Variants in MAD1L1 observed in about 807,000 individuals in gnomAD.
MAD1L1 encodes the protein mitotic arrest deficient 1 like 1.
In MAD1L1, 95 loss-of-function variants were observed where a neutral mutation model predicts 96.9. That is an observed-to-expected ratio of 0.98 (90% CI 0.83 to 1.16). The LOEUF (loss-of-function observed/expected upper bound fraction) is 1.16. MAD1L1 is among the 50% of genes most tolerant of loss of function. The probability of loss-of-function intolerance (pLI) is 0.00; values close to 1 mark genes in which losing one functional copy is unlikely to be tolerated. For synonymous variants in MAD1L1, 473 were observed against 396.6 expected (o/e 1.19, Z -2.29); for missense variants, 1,007 against 954.4 (o/e 1.06, Z -0.73).
At chr7:1,961,717 G>C (rs922742797) in intron 15 of MAD1L1, among the ~76,000 whole-genome samples, 1 of 152,242 alleles carries the variant, frequency 6.6e-6, no homozygotes, top group Non-Finnish European at 1.5e-5. Context: ...TTGAATTGTA[G>C]CTCCCATAAT....
In MAD1L1 at chr7:1,857,761, G is replaced by A. The variant is rs139617993; in HGVS notation, c.1998+40439C>T. ...GACGTCCTGGTCCTGCTACATCTGAGGCCTGCCCGGCTAGGCCAGCACGAC... is the reference window on the plus strand; with the variant it reads ...GACGTCCTGGTCCTGCTACATCTGAAGCCTGCCCGGCTAGGCCAGCACGAC... On this transcript the variant is annotated intron_variant, in intron 18 of 18. Transcript: ENST00000265854. 2.7e-3 allele frequency among the ~76,000 whole-genome samples: 412 copies of A among 152,318 alleles called. 2 individuals are homozygous for A. The highest frequency in any genetic ancestry group is 8.9e-3 in the African/African-American group (371 of 41,574).
intron 13 of MAD1L1, 89 bp from the exon 14 acceptor site, chr7:2,002,210 C>A: frequency 7.8e-7 from 1 of 1,287,426 alleles, no homozygotes; most frequent in Non-Finnish European, 1.1e-6. Flanking sequence ...CACCACCCCG[C>A]AGCCTCCACT....
intron 11 of MAD1L1, among the ~76,000 whole-genome samples, chr7:2,078,896 C>T (rs1310403481): frequency 1.3e-5 from 2 of 152,260 alleles, no homozygotes; most frequent in African/African-American, 4.8e-5. Context: ...CCCAGGACAC[C>T]ACTGTACTGA....
Position 2,088,676 on chromosome 7 carries a change from C to A in MAD1L1, c.1074-19338G>T, listed in dbSNP as rs1338200660. ...GGAGGGAGTGCCATCTGTCACACTC[C>A]ATGCAGCTCTTCAGCCTGAAGGAAG... On this transcript the variant is annotated intron_variant, in intron 11 of 18. Coordinates refer to ENST00000265854, the MANE Select transcript of MAD1L1 (RefSeq NM_001013836.2). The surrounding 1 kb of genome is among the most constrained non-coding windows in gnomAD (Gnocchi z 4.4). 1 of 152,586 alleles carries A rather than the reference C, an allele frequency of 6.6e-6. No homozygotes were observed. Among genetic ancestry groups the A allele is most frequent in the African/African-American group, 2.4e-5 (1 of 41,472 alleles). 9.5% of individuals were successfully genotyped at this position (152,586 alleles called of 1,614,324 possible).
At chr7:1,841,504 C>T (rs1407072533) in intron 18 of MAD1L1, among the ~76,000 whole-genome samples, 3 of 152,240 alleles carry the variant, frequency 2.0e-5, no homozygotes, top group East Asian at 1.9e-4. Context: ...CTCCTGACCT[C>T]GGCCTGGCCT....
At chr7:2,125,074 C>T (rs1026586476) in intron 11 of MAD1L1, among the ~76,000 whole-genome samples, 2 of 152,330 alleles carry the variant, frequency 1.3e-5, no homozygotes, top group Middle Eastern at 3.4e-3. Context: ...CCGGTCCTCA[C>T]AGCGACCCCA....
At chr7:1,918,554 T>G (rs1253360111) in intron 17 of MAD1L1, among the ~76,000 whole-genome samples, 2 of 152,186 alleles carry the variant, frequency 1.3e-5, no homozygotes, top group Non-Finnish European at 2.9e-5. Context: ...GCCAGGCGGG[T>G]GTGCCCAGCA....
chr7:2,013,673 C>T (rs1280588333), intron 13 of MAD1L1, among the ~76,000 whole-genome samples: 3 of 152,280 alleles, frequency 2.0e-5, no homozygotes, highest in Non-Finnish European at 4.4e-5. Flanking sequence ...TATCCCACCA[C>T]GCCCAGGCGG....
chr7:2,220,325 G>A (rs1793531734), intron 5 of MAD1L1, among the ~76,000 whole-genome samples: 1 of 152,176 alleles, frequency 6.6e-6, no homozygotes, highest in South Asian at 2.1e-4. Context: ...GAACCCGCAC[G>A]CGACAGAACC....
At chr7:1,931,487 CCTTT>C (rs1345502414) in intron 17 of MAD1L1, among the ~76,000 whole-genome samples, 2 of 152,220 alleles carry the variant, frequency 1.3e-5, no homozygotes, top group Non-Finnish European at 2.9e-5. Context: ...TCATTTCCTT[CCTTT>C]CTCTCCAGAG....
At chr7:1,866,654 G>T (rs957007470) in intron 18 of MAD1L1, among the ~76,000 whole-genome samples, 1 of 152,194 alleles carries the variant, frequency 6.6e-6, no homozygotes, top group Non-Finnish European at 1.5e-5. Flanking sequence ...ACCTCTTGCC[G>T]GCCAGCCCCA....
chr7:2,004,572 C>A (rs113240092), intron 13 of MAD1L1, among the ~76,000 whole-genome samples: 2 of 152,260 alleles, frequency 1.3e-5, no homozygotes, highest in African/African-American at 4.8e-5. Flanking sequence ...TCCTGTGCCT[C>A]CCGACACAGA....
At chr7:2,195,774 C>A (rs999938235) in intron 10 of MAD1L1, among the ~76,000 whole-genome samples, 1 of 152,260 alleles carries the variant, frequency 6.6e-6, no homozygotes, top group Non-Finnish European at 1.5e-5. Flanking sequence ...AAAACCAAAT[C>A]CCAGAACTGC....
At chr7:2,226,741 G>C (rs1234740037) in intron 3 of MAD1L1, among the ~76,000 whole-genome samples, 1 of 152,226 alleles carries the variant, frequency 6.6e-6, no homozygotes, top group Admixed American at 6.5e-5. Context: ...TGTAATCCCA[G>C]TACTTTGAGA....
At chr7:1,828,943 T>A (rs1295061975) in intron 18 of MAD1L1, among the ~76,000 whole-genome samples, 1 of 152,038 alleles carries the variant, frequency 6.6e-6, no homozygotes, top group Non-Finnish European at 1.5e-5. Context: ...GGGGGACGGA[T>A]CCATGCCAGA....
chr7:2,012,591 G>A (rs1434648114), intron 13 of MAD1L1, among the ~76,000 whole-genome samples: 2 of 152,194 alleles, frequency 1.3e-5, no homozygotes, highest in African/African-American at 4.8e-5. Flanking sequence ...GCCAGGAGCG[G>A]GAGGAAGGAG....
At chr7:1,899,266 C>T (rs149565028) in intron 17 of MAD1L1, among the ~76,000 whole-genome samples, 5 of 152,358 alleles carry the variant, frequency 3.3e-5, no homozygotes, top group East Asian at 1.9e-4. Context: ...TTTATCCCCG[C>T]GTTAATTATC....
chr7:2,218,726 G>C (rs1461322395), intron 6 of MAD1L1, among the ~76,000 whole-genome samples: 2 of 151,850 alleles, frequency 1.3e-5, no homozygotes, highest in African/African-American at 4.8e-5. Flanking sequence ...GGGTTACAAA[G>C]CGAGACCGCC....
rs1236663477 is a variant in MAD1L1 at position 2,119,701 on chromosome 7, GCTC to G, written c.1073+29448_1073+29450del. 6.6e-6 allele frequency among the ~76,000 whole-genome samples: 1 copy of G among 152,160 alleles called. No homozygotes were observed. Among genetic ancestry groups the G allele is most frequent in the African/African-American group, 2.4e-5 (1 of 41,410 alleles). On this transcript the variant is annotated intron_variant, in intron 11 of 18. Coordinates refer to ENST00000265854, the MANE Select transcript of MAD1L1 (RefSeq NM_001013836.2). The surrounding 1 kb of genome is among the most constrained non-coding windows in gnomAD (Gnocchi z 4.6). ...GACAATGCACCCCGAAACCCAGAGT[GCTC>G]CTGAGGAGGGAGAGCCTGCCAGTCC... is the stretch of plus-strand genomic sequence containing the variant.
Sources: allele counts gnomAD v4.1 joint callset (sites outside exome capture counted in the v4.1 genomes callset), GRCh38; gene constraint gnomAD v4.1.1; non-coding constraint Gnocchi (gnomAD v3.1); transcripts MANE v1.5; gene names NCBI Gene and HGNC (gene_info 2026-07-23, HGNC 2026-07-21).